Variants in BCAS3 observed in about 807,000 individuals in gnomAD.
The protein encoded by BCAS3 is BCAS3 microtubule associated cell migration factor.
A neutral mutation model predicts 116.1 loss-of-function variants in BCAS3; 53 were observed. The ratio of observed to expected loss-of-function variants is 0.46; its 90% CI spans 0.37 to 0.57. BCAS3 has a LOEUF of 0.57. Ranked by LOEUF, BCAS3 falls within the 20% of genes least tolerant of loss-of-function variation. The probability of loss-of-function intolerance (pLI) is 0.00; values close to 1 mark genes in which losing one functional copy is unlikely to be tolerated. For synonymous variants in BCAS3, 391 were observed against 408.2 expected, an observed-to-expected ratio of 0.96 and a Z score of 0.51; for missense variants, 917 against 1,165.4, an observed-to-expected ratio of 0.79 and a Z score of 3.10.
rs187640084 is a variant in BCAS3, at chr17:61,290,817, G to A, written c.2426-77510G>A. On this transcript the variant is annotated intron_variant, in intron 22 of 23. Transcript: ENST00000407086. Reference sequence around the variant, plus strand: ...TTTTTTTGAGTCAGAGTCTCGCTCTGTTGCCCAGGCTGGAGTGCAGTGGCG... The same window carrying A: ...TTTTTTTGAGTCAGAGTCTCGCTCTATTGCCCAGGCTGGAGTGCAGTGGCG... 2.6e-3 allele frequency among the ~76,000 whole-genome samples: 392 copies of A among 152,162 alleles called. 1 individual carries two copies. Among genetic ancestry groups the A allele is most frequent in the Non-Finnish European group, 3.9e-3 (264 of 68,026 alleles).
rs563297517 is a variant in BCAS3, at chr17:60,723,293, T to G, written c.321+13968T>G. 2.4e-3 allele frequency among the ~76,000 whole-genome samples: 367 copies of G among 152,232 alleles called. 1 individual carries two copies. The highest frequency in any genetic ancestry group is 4.5e-3 in the Non-Finnish European group (303 of 68,020). On this transcript the variant is annotated intron_variant, in intron 5 of 23. Coordinates refer to ENST00000407086, the MANE Select transcript of BCAS3 (RefSeq NM_017679.5). Reference sequence around the variant, plus strand: ...CAGGCTGGAGTGCAGTGGCGTGATTTCGCCCACTGCAACCTCTGCCTCCCG... The same window carrying G: ...CAGGCTGGAGTGCAGTGGCGTGATTGCGCCCACTGCAACCTCTGCCTCCCG...
At chr17:60,725,894 T>C (rs558541467) in intron 5 of BCAS3, among the ~76,000 whole-genome samples, 24 of 152,178 alleles carry the variant, frequency 1.6e-4, no homozygotes, top group Non-Finnish European at 5.9e-5. Context: ...TTGTTGTTGT[T>C]GTCATTGTTG....
intron 22 of BCAS3, among the ~76,000 whole-genome samples, chr17:61,096,326 A>C (rs2073969746): frequency 6.6e-6 from 1 of 152,156 alleles, no homozygotes. Flanking sequence ...ATAGAGTAAA[A>C]TACTTTTCTG....
chr17:60,758,727 A>G (rs2043225662), intron 6 of BCAS3, among the ~76,000 whole-genome samples: 1 of 151,950 alleles, frequency 6.6e-6, no homozygotes, highest in African/African-American at 2.4e-5. Flanking sequence ...CTTATTTGAA[A>G]GTTTTCTACT....
Position 61,364,559 on chromosome 17 carries a change from T to C in BCAS3, c.2426-3768T>C, listed in dbSNP as rs577106424. On this transcript the variant is annotated intron_variant, in intron 22 of 23. Coordinates refer to ENST00000407086, the MANE Select transcript of BCAS3 (RefSeq NM_017679.5). This position sits in a 1 kb window ranked among gnomAD's most constrained non-coding sequence, Gnocchi z 5.4. Reference sequence around the variant, plus strand: ...GGTGAAACCCCATCTTGACAAAAAATTAGCTGGGCATGGTGGTGCACACCT... The same window carrying C: ...GGTGAAACCCCATCTTGACAAAAAACTAGCTGGGCATGGTGGTGCACACCT... Among the ~76,000 whole-genome samples the C allele has an allele frequency of 4.6e-5, 7 of 152,066 alleles. No individual in the cohort carries two copies. The highest frequency in any genetic ancestry group is 1.7e-4 in the African/African-American group (7 of 41,402).
chr17:61,031,679 T>C (rs1412711121), intron 16 of BCAS3, among the ~76,000 whole-genome samples: 4 of 152,084 alleles, frequency 2.6e-5, no homozygotes, highest in Non-Finnish European at 5.9e-5. Context: ...TTACCCAATA[T>C]GCTTCATACC....
intron 22 of BCAS3, among the ~76,000 whole-genome samples, chr17:61,127,409 A>G (rs1311299941): frequency 6.6e-6 from 1 of 152,076 alleles, no homozygotes; most frequent in Non-Finnish European, 1.5e-5. Context: ...AGCAGGGATA[A>G]GGGGACACTG....
At chr17:60,697,554 G>C (rs905284772) in intron 4 of BCAS3, among the ~76,000 whole-genome samples, 2 of 145,232 alleles carry the variant, frequency 1.4e-5, no homozygotes, top group African/African-American at 5.2e-5. Context: ...CTGCACTCCA[G>C]CCTGGGTGAC....
At chr17:60,893,549 A>G (rs960838777) in intron 10 of BCAS3, among the ~76,000 whole-genome samples, 7 of 146,862 alleles carry the variant, frequency 4.8e-5, no homozygotes, top group Admixed American at 4.7e-4. Context: ...TCAGTTGGTT[A>G]TAAGTATCTG....
chr17:60,933,551 T>C (rs1319327312), intron 13 of BCAS3, among the ~76,000 whole-genome samples: 1 of 152,252 alleles, frequency 6.6e-6, no homozygotes, highest in East Asian at 1.9e-4. Flanking sequence ...GCTGCATCTT[T>C]AGCAGACTTG....
intron 12 of BCAS3, among the ~76,000 whole-genome samples, chr17:60,921,618 A>C (rs796600248): frequency 8.3e-6 from 1 of 120,206 alleles, no homozygotes; most frequent in African/African-American, 7.8e-5. Context: ...GTCTCAAAAA[A>C]AAAAAAAAAA....
At chr17:61,322,798 G>GAGAC (rs1568850026) in intron 22 of BCAS3, among the ~76,000 whole-genome samples, 4 of 24,708 alleles carry the variant, frequency 1.6e-4, no homozygotes, top group African/African-American at 3.0e-4. Context: ...GAGAGACAGA[G>GAGAC]AGAGAGAGAG....
chr17:60,705,598 T>C (rs565847680), intron 4 of BCAS3, among the ~76,000 whole-genome samples: 29 of 151,298 alleles, frequency 1.9e-4, no homozygotes, highest in African/African-American at 6.1e-4. Context: ...TTTCAAGATA[T>C]CTGTTTTGGA....
At chr17:60,714,492 C>A (rs1162830350) in intron 5 of BCAS3, among the ~76,000 whole-genome samples, 4 of 152,020 alleles carry the variant, frequency 2.6e-5, no homozygotes, top group African/African-American at 9.7e-5. Flanking sequence ...GGTGAAACTC[C>A]GTCTCTACTA....
chr17:61,138,856 TA>T (rs1441586243), intron 22 of BCAS3, among the ~76,000 whole-genome samples: 2 of 152,212 alleles, frequency 1.3e-5, no homozygotes, highest in African/African-American at 4.8e-5. Flanking sequence ...TGTCTTGGAA[TA>T]TTTTTTTTCA....
chr17:61,155,070 C>G (rs537840770), intron 22 of BCAS3, among the ~76,000 whole-genome samples: 1 of 152,068 alleles, frequency 6.6e-6, no homozygotes, highest in African/African-American at 2.4e-5. Context: ...TGTCAGGCAT[C>G]GTGGAAGGCT....
At chr17:60,695,375 G>A in intron 4 of BCAS3, among the ~76,000 whole-genome samples, 1 of 152,178 alleles carries the variant, frequency 6.6e-6, no homozygotes, top group East Asian at 1.9e-4. Context: ...GCCTCCCAAA[G>A]TGTTGGGATT....
rs2058170432 is a variant in BCAS3 at position 61,356,997 on chromosome 17, T to A, written c.2426-11330T>A. 1 of 151,968 alleles carries A rather than the reference T, an allele frequency of 6.6e-6. No individual in the cohort carries two copies. Among genetic ancestry groups the A allele is most frequent in the South Asian group, 2.1e-4 (1 of 4,824 alleles). The allele number at this position is 151,968 out of a possible 1,614,324, so 9.4% of individuals were successfully genotyped here. ...AGGCATCGCAGCAAGGTCAGGTGCCTCCCGTGCTTCTTATGGGCCCACCTG... is the reference window on the plus strand; with the variant it reads ...AGGCATCGCAGCAAGGTCAGGTGCCACCCGTGCTTCTTATGGGCCCACCTG... On this transcript the variant is annotated intron_variant, in intron 22 of 23. Transcript: ENST00000407086. This position sits in a 1 kb window ranked among gnomAD's most constrained non-coding sequence, Gnocchi z 5.4.
intron 2 of BCAS3, among the ~76,000 whole-genome samples, chr17:60,681,325 A>C (rs1240788412): frequency 6.6e-6 from 1 of 151,240 alleles, no homozygotes; most frequent in East Asian, 2.0e-4. Flanking sequence ...TGTGGAGAAA[A>C]CCCGTCTCTA....
Sources: gnomAD v4.1 joint callset for allele counts (sites outside exome capture counted in the v4.1 genomes callset) on GRCh38, gnomAD v4.1.1 for gene constraint, Gnocchi (gnomAD v3.1) non-coding constraint, MANE v1.5 for transcripts, NCBI Gene and HGNC (gene_info 2026-07-23, HGNC 2026-07-21) for gene names.